The following NDRG2 variants were observed in gnomAD, a reference collection of about 807,000 sequenced individuals.
NDRG2 encodes protein NDRG2.
In NDRG2, 34 loss-of-function variants were observed where a neutral mutation model predicts 58.2. That is an observed-to-expected ratio of 0.58 (90% CI 0.44 to 0.78). The LOEUF (loss-of-function observed/expected upper bound fraction) is 0.78. Ranked by LOEUF, NDRG2 falls within the 30% of genes least tolerant of loss-of-function variation. The pLI, the probability that NDRG2 is intolerant of heterozygous loss-of-function variation, is 0.00. For missense variants in NDRG2, 434 were observed against 471.2 expected, an observed-to-expected ratio of 0.92 and a Z score of 0.73; for synonymous variants, 187 against 175.9, an observed-to-expected ratio of 1.06 and a Z score of -0.50.
chr14:21,039,879 TATC>T (rs1884811640), intron 1 of NDRG2, among the ~76,000 whole-genome samples: 1 of 152,114 alleles, frequency 6.6e-6, no homozygotes, highest in Non-Finnish European at 1.5e-5. Flanking sequence ...ATAATTATAA[TATC>T]AGGAAAACAC....
intron 1 of NDRG2, among the ~76,000 whole-genome samples, chr14:21,059,267 G>A (rs1885826707): frequency 6.6e-6 from 1 of 152,078 alleles, no homozygotes; most frequent in Non-Finnish European, 1.5e-5. Context: ...GTCCTGATCT[G>A]GTCTTAATCA....
chr14:21,062,892 T>G (rs1886041033), intron 1 of NDRG2, among the ~76,000 whole-genome samples: 2 of 149,188 alleles, frequency 1.3e-5, no homozygotes, highest in Non-Finnish European at 3.0e-5. Flanking sequence ...GGCAGGAGGA[T>G]CAATAGAGCC....
intron 1 of NDRG2, chr14:21,031,396 G>C (rs375035778): frequency 3.8e-6 from 2 of 531,686 alleles, no homozygotes. Context: ...CAAGTGTCTA[G>C]TATCTGAGCC....
intron 1 of NDRG2, among the ~76,000 whole-genome samples, chr14:21,063,657 C>G (rs868520842): frequency 6.6e-6 from 1 of 152,200 alleles, no homozygotes; most frequent in East Asian, 1.9e-4. Flanking sequence ...CTCCAGAAGA[C>G]TGACTCTGCT....
At chr14:21,025,193 C>G, upstream of NDRG2, 5 of 880,166 alleles carry the variant, frequency 5.7e-6, no homozygotes, top group Non-Finnish European at 6.8e-6. This position sits in a 1 kb window ranked among gnomAD's most constrained non-coding sequence, Gnocchi z 5.1. Context: ...CCCCTTTCAC[C>G]CCGCCCAGAC....
chr14:21,019,886 C>T (rs1217080000), intron 9 of NDRG2, 34 bp downstream of exon 9: 15 of 1,610,086 alleles, frequency 9.3e-6, no homozygotes, highest in Non-Finnish European at 1.2e-5. Flanking sequence ...CTGCTGCTCC[C>T]GTCGACTCTT....
At position 21,024,973 on chromosome 14, in the gene NDRG2, C is replaced by G. The variant is rs1263817329; in HGVS notation, c.-950G>C. 1.0e-6 allele frequency: 1 copy of G among 985,646 alleles called. No individual in the cohort carries two copies. Among genetic ancestry groups the G allele is most frequent in the East Asian group, 1.1e-4 (1 of 8,780 alleles). 61.1% of individuals were successfully genotyped at this position (985,646 alleles called of 1,614,324 possible). On this transcript the variant is annotated 5_prime_UTR_variant, in exon 1 of 16. Transcript: ENST00000556147. Reference sequence around the variant, plus strand: ...GGACGCGGATCAATCACACCGCCCGCCGGCCCGGCTGGCGCCTTCCAGGCC... The same window carrying G: ...GGACGCGGATCAATCACACCGCCCGGCGGCCCGGCTGGCGCCTTCCAGGCC...
intron 1 of NDRG2, among the ~76,000 whole-genome samples, chr14:21,051,032 C>A (rs1176969358): frequency 1.3e-5 from 2 of 152,116 alleles, no homozygotes; most frequent in Non-Finnish European, 2.9e-5. Context: ...AAAATAATGC[C>A]TTAAATTACT....
intron 15 of NDRG2, 48 bp from the exon 16 acceptor site, chr14:21,017,810 G>A: frequency 1.2e-6 from 2 of 1,605,102 alleles, no homozygotes; most frequent in African/African-American, 1.3e-5. Flanking sequence ...AAGTGGGGAA[G>A]GGGGGCTGGC....
At chr14:21,033,049 G>T (rs1177007218) in intron 1 of NDRG2, 16 of 451,544 alleles carry the variant, frequency 3.5e-5, no homozygotes, top group Non-Finnish European at 6.2e-5. Flanking sequence ...GCTTCTGGAA[G>T]AGAAGGGAAG....
At position 21,070,422 on chromosome 14, in the gene NDRG2, C is replaced by A; in HGVS notation, c.24+406G>T. 7.1e-7 allele frequency: 1 copy of A among 1,409,544 alleles called. No individual in the cohort carries two copies. Among genetic ancestry groups the A allele is most frequent in the Non-Finnish European group, 9.2e-7 (1 of 1,091,028 alleles). The allele number at this position is 1,409,544 out of a possible 1,614,324, so 87.3% of individuals were successfully genotyped here. On this transcript the variant is annotated intron_variant, in intron 1 of 14. Coordinates refer to the NDRG2 transcript ENST00000403829. The surrounding 1 kb of genome is among the most constrained non-coding windows in gnomAD (Gnocchi z 4.7). Reference sequence around the variant, plus strand: ...ATGGTGAGTCCAGCGTCGCAGCCCCCTGGGTCCCCTCGGCCTTCGCGCAGC... The same window carrying A: ...ATGGTGAGTCCAGCGTCGCAGCCCCATGGGTCCCCTCGGCCTTCGCGCAGC...
Position 21,070,710 on chromosome 14 carries a change from C to T in NDRG2, c.24+118G>A. On this transcript the variant is annotated intron_variant, in intron 1 of 14. Transcript: ENST00000403829. The surrounding 1 kb of genome is among the most constrained non-coding windows in gnomAD (Gnocchi z 4.7). ...CTCCTCTGTCCTGACCTGTGCCTTC[C>T]TTTCCTGGAGCTTCCCTCCCCCTCC... 1 of 1,236,426 alleles carries T rather than the reference C, an allele frequency of 8.1e-7. No homozygotes were observed. Among genetic ancestry groups the T allele is most frequent in the Non-Finnish European group, 1.1e-6 (1 of 883,822 alleles). 76.6% of individuals were successfully genotyped at this position (1,236,426 alleles called of 1,614,324 possible).
intron 1 of NDRG2, among the ~76,000 whole-genome samples, chr14:21,060,721 C>G (rs780970100): frequency 2.6e-5 from 4 of 151,892 alleles, no homozygotes; most frequent in Non-Finnish European, 5.9e-5. Context: ...CATAATCTGC[C>G]TGGCTTCCAA....
intron 1 of NDRG2, among the ~76,000 whole-genome samples, chr14:21,048,923 G>C (rs1396925350): frequency 6.6e-6 from 1 of 152,246 alleles, no homozygotes; most frequent in Non-Finnish European, 1.5e-5. Flanking sequence ...ATTAGTTTCT[G>C]TAGATAAGGT....
At chr14:21,030,496 T>C (rs1594473503), upstream of NDRG2, 1 of 1,380,590 alleles carries the variant, frequency 7.2e-7, no homozygotes, top group Non-Finnish European at 9.9e-7. Context: ...ATAACACTCA[T>C]CCTCATTACT....
At position 21,022,102 on chromosome 14, in the gene NDRG2, C is replaced by A. The variant is rs1309462990; in HGVS notation, c.304G>T (p.Ala102Ser). ...GGGGCTCCCTCTTCCATTCCAGGGG[C>A]ATCCACATGAACCCGCACAAAGTTC... ...IQNFVRVHVDAPGMEEGAPVF... is the reference protein window; with the variant it reads ...IQNFVRVHVDSPGMEEGAPVF... Residue 102 changes from alanine to serine, a missense_variant, in exon 5 of 16, where the codon GCC (alanine) becomes TCC (serine). Ala to Ser is a moderately conservative substitution (Grantham distance 99). Transcript: ENST00000556147. 1.2e-6 allele frequency: 2 copies of A among 1,614,190 alleles called. No homozygotes were observed. Among genetic ancestry groups the A allele is most frequent in the Non-Finnish European group, 1.7e-6 (2 of 1,180,026 alleles).
chr14:21,046,227 A>G (rs1050491352), intron 1 of NDRG2, among the ~76,000 whole-genome samples: 3 of 152,168 alleles, frequency 2.0e-5, no homozygotes, highest in Non-Finnish European at 4.4e-5. Context: ...AAATTGTTGT[A>G]AATACATTGG....
chr14:21,018,774 C>T lies in NDRG2; in HGVS notation c.802G>A (p.Glu268Lys). The change falls in exon 12 of 16, where the codon GAA (glutamate) becomes AAA (lysine). Residue 268 changes from glutamate (E) to lysine (K), a missense_variant. Physicochemically the swap from Glu to Lys is moderately conservative, Grantham distance 56. Coordinates refer to ENST00000556147, the MANE Select transcript of NDRG2 (RefSeq NM_001320329.2). ...MLVVGDQAPH[E>K]DAVVECNSKL... ...AATTCCCTACTAACCACTGCATCTTCATGAGGTGCTTGGTCTCCTACCACC... is the reference window on the plus strand; with the variant it reads ...AATTCCCTACTAACCACTGCATCTTTATGAGGTGCTTGGTCTCCTACCACC... 1 of 1,614,208 alleles carries T rather than the reference C, an allele frequency of 6.2e-7. No homozygotes were observed.
At chr14:21,018,931 C>CTT in intron 11 of NDRG2, 117 bp from the exon 12 acceptor site, 1 of 1,385,200 alleles carries the variant, frequency 7.2e-7, no homozygotes, top group Non-Finnish European at 1.0e-6. Flanking sequence ...ACTTCTGTGT[C>CTT]TCCCTGCTGA....
Sources: gnomAD v4.1 joint callset for allele counts (sites outside exome capture counted in the v4.1 genomes callset) on GRCh38, gnomAD v4.1.1 for gene constraint, Gnocchi (gnomAD v3.1) non-coding constraint, MANE v1.5 for transcripts, NCBI Gene and HGNC (gene_info 2026-07-23, HGNC 2026-07-21) for gene names.